The following DNHD1 variants were observed in gnomAD, a reference collection of about 807,000 sequenced individuals.
DNHD1 encodes the protein dynein heavy chain domain-containing protein 1.
A neutral mutation model predicts 458.1 loss-of-function variants in DNHD1; 383 were observed. That is an observed-to-expected ratio of 0.84 (90% CI 0.77 to 0.91). The LOEUF is 0.91. DNHD1 is among the 40% of genes least tolerant of loss of function. The pLI is 0.00. For missense variants in DNHD1, 5,336 were observed against 5,866.1 expected (o/e 0.91, Z 2.95); for synonymous variants, 2,203 against 2,376.9 (o/e 0.93, Z 2.13).
At chr11:6,521,252 G>A (rs1852599002) in intron 10 of DNHD1, among the ~76,000 whole-genome samples, 1 of 152,202 alleles carries the variant, frequency 6.6e-6, no homozygotes, top group African/African-American at 2.4e-5. Context: ...TGCTACAGAT[G>A]TGCCTTCTTA....
At chr11:6,513,063 A>G (rs747833890) in intron 7 of DNHD1, among the ~76,000 whole-genome samples, 5 of 152,146 alleles carry the variant, frequency 3.3e-5, no homozygotes, top group Admixed American at 6.6e-5. Flanking sequence ...GCTTCCAGAC[A>G]ATAAATGCTG....
In DNHD1 at chr11:6,568,769, C is replaced by T; in HGVS notation, c.12766C>T (p.Gln4256Ter). The change falls in exon 39 of 43, where the codon CAA (glutamine) becomes TAA (stop). Residue 4256 changes from glutamine to a stop codon, truncating the protein, a stop_gained. Transcript: ENST00000254579. LOFTEE classifies it high-confidence loss of function. Reference sequence around the variant, plus strand: ...GCTAGCCCAGCAAGTACTCTACATGCAACCCCCCACCCAGGCACTACCTCT... The same window carrying T: ...GCTAGCCCAGCAAGTACTCTACATGTAACCCCCCACCCAGGCACTACCTCT... ...VELAQQVLYM[Q>*]PPTQALPLLL... 1.2e-6 allele frequency: 2 copies of T among 1,613,514 alleles called. No individual in the cohort carries two copies. The highest frequency in any genetic ancestry group is 2.2e-5 in the East Asian group (1 of 44,850).
chr11:6,499,963 C>G (rs901660905), intron 3 of DNHD1, among the ~76,000 whole-genome samples: 18 of 98,306 alleles, frequency 1.8e-4, no homozygotes, highest in African/African-American at 6.2e-4. Flanking sequence ...CTCTAACTTT[C>G]GATTTTTTTT....
In DNHD1 at chr11:6,568,803, TC is replaced by T. The variant is rs946993998; in HGVS notation, c.12802del (p.His4268MetfsTer24). The stretch of plus-strand genomic sequence containing the variant: ...ACCCAGGCACTACCTCTGCTCCTCC[TC>T]CATGGCCTCCTGCTACACCGGCAGC... ...PPTQALPLLLLHGLLLHRQLY... is the reference protein window; with the variant it reads ...PPTQALPLLLXHGLLLHRQLY... On this transcript the variant is annotated frameshift_variant, in exon 39 of 43. Transcript: ENST00000254579. LOFTEE classifies it high-confidence loss of function. The T allele has an allele frequency of 1.2e-6, 2 of 1,613,330 alleles. No individual in the cohort carries two copies. Among genetic ancestry groups the T allele is most frequent in the Admixed American group, 1.7e-5 (1 of 59,962 alleles).
intron 28 of DNHD1, among the ~76,000 whole-genome samples, chr11:6,562,673 G>A (rs1416240306): frequency 1.3e-5 from 2 of 152,180 alleles, no homozygotes. Context: ...ACTGTCTTCT[G>A]TGACAACTGC....
chr11:6,504,553 G>A (rs1394590233), intron 4 of DNHD1, among the ~76,000 whole-genome samples: 1 of 152,162 alleles, frequency 6.6e-6, no homozygotes, highest in African/African-American at 2.4e-5. Flanking sequence ...TGGTTCAAGC[G>A]ATTCTCTTGC....
chr11:6,498,503 G>A lies in DNHD1; in HGVS notation c.288G>A (p.Glu96=), dbSNP rs375381769. ...AVLGLLPPYR[E]LLVGHLDLLP... ...TGGGTCTACTGCCTCCATATCGTGA[G>A]TTGCTAGTTGGCCACCTTGATTTGC... is the stretch of plus-strand genomic sequence containing the variant. The change falls in exon 3 of 43, where the codon GAG becomes GAA. Residue 96 remains glutamate, a synonymous_variant. Coordinates refer to ENST00000254579, the MANE Select transcript of DNHD1 (RefSeq NM_144666.3). The A allele has an allele frequency of 6.8e-6, 11 of 1,614,224 alleles. No homozygotes were observed. The South Asian group carries it at 1.2e-4, about 18-fold the overall frequency.
chr11:6,533,115 C>T lies in DNHD1; in HGVS notation c.2436C>T (p.Leu812=). ...TCAGTCAACAACTCATGACAGAGCTCACAGATTTCATGCATATCTTCCGAA... is the reference window on the plus strand; with the variant it reads ...TCAGTCAACAACTCATGACAGAGCTTACAGATTTCATGCATATCTTCCGAA... ...WNLSQQLMTE[L]TDFMHIFRTI... Residue 812 remains leucine (L), a synonymous_variant, in exon 13 of 43, where the codon CTC becomes CTT. Coordinates refer to ENST00000254579, the MANE Select transcript of DNHD1 (RefSeq NM_144666.3). The T allele has an allele frequency of 4.5e-6, 7 of 1,551,698 alleles. No individual in the cohort carries two copies. The highest frequency in any genetic ancestry group is 6.1e-6 in the Non-Finnish European group (7 of 1,146,996).
Position 6,544,128 on chromosome 11 carries a change from C to A in DNHD1, c.3636C>A (p.Ser1212Arg). ...DSGTFILSDYSNLQDSIQESL... is the reference protein window; with the variant it reads ...DSGTFILSDYRNLQDSIQESL... ...CAGCTTTTTCTGTCTTAGATTACAG[C>A]AACCTGCAGGATTCCATCCAGGAAA... is the stretch of plus-strand genomic sequence containing the variant. Residue 1212 changes from serine (S) to arginine (R), a missense_variant, in exon 19 of 43, where the codon AGC becomes AGA. This residue lies in a region of DNHD1 where 3,932 missense variants were observed against 4,365.6 expected (regional missense o/e 0.90). Coordinates refer to ENST00000254579, the MANE Select transcript of DNHD1 (RefSeq NM_144666.3). 1 of 1,551,628 alleles carries A rather than the reference C, an allele frequency of 6.4e-7. No individual in the cohort carries two copies. The highest frequency in any genetic ancestry group is 1.2e-5 in the South Asian group (1 of 84,064).
chr11:6,539,952 AGCTGCGCCT>A lies in DNHD1; in HGVS notation c.3501_3509del (p.Arg1168_Leu1170del). Reference sequence around the variant, plus strand: ...TTGCAGCGGTACTGGGAAGCGCGCCAGCTGCGCCTGCTCAACTTCATCCTGCATGTACCC... The same window carrying A: ...TTGCAGCGGTACTGGGAAGCGCGCCAGCTCAACTTCATCCTGCATGTACCC... On this transcript the variant is annotated inframe_deletion, in exon 18 of 43. Transcript: ENST00000254579. The A allele has an allele frequency of 6.4e-7, 1 of 1,551,766 alleles. No individual in the cohort carries two copies. Among genetic ancestry groups the A allele is most frequent in the African/African-American group, 1.4e-5 (1 of 73,194 alleles).
rs1853747329 is a variant in DNHD1, at chr11:6,567,980, GT to G, written c.12352-75del. 8 of 1,482,112 alleles carry G rather than the reference GT, an allele frequency of 5.4e-6. 1 individual carries two copies. In the South Asian group the frequency reaches 9.7e-5, roughly 18 times the overall value. 91.8% of individuals were successfully genotyped at this position (1,482,112 alleles called of 1,614,324 possible). On this transcript the variant is annotated intron_variant, in intron 36 of 42. Coordinates refer to ENST00000254579, the MANE Select transcript of DNHD1 (RefSeq NM_144666.3). ...CTACGTAGGGACTTTGGGGATCATG[GT>G]AGCATTAGTTTGGGTCCCTCGGGTC...
intron 10 of DNHD1, among the ~76,000 whole-genome samples, chr11:6,527,025 TG>T (rs1016496160): frequency 1.3e-5 from 2 of 152,190 alleles, no homozygotes; most frequent in African/African-American, 2.4e-5. Flanking sequence ...CCCACCTACT[TG>T]TATTTTAGGA....
At position 6,502,917 on chromosome 11, in the gene DNHD1, G is replaced by A. The variant is rs369544858; in HGVS notation, c.911G>A (p.Arg304Gln). 5.1e-5 allele frequency: 83 copies of A among 1,613,206 alleles called. No homozygotes were observed. In the South Asian group the frequency reaches 5.3e-4, roughly 10 times the overall value. The change falls in exon 4 of 43, where the codon CGG becomes CAG. Residue 304 changes from arginine to glutamine, a missense_variant. Physicochemically the swap from Arg to Gln is conservative, Grantham distance 43. This residue lies in a region of DNHD1 where 3,932 missense variants were observed against 4,365.6 expected (regional missense o/e 0.90). Coordinates refer to ENST00000254579, the MANE Select transcript of DNHD1 (RefSeq NM_144666.3). Reference sequence around the variant, plus strand: ...CTCTATCTCAATGTGGCTCCCAGCCGGTACTTTAGGTGATAGCCTATGTCC... The same window carrying A: ...CTCTATCTCAATGTGGCTCCCAGCCAGTACTTTAGGTGATAGCCTATGTCC... ...HFLYLNVAPS[R>Q]YFRPYSLMVV... is the part of the protein sequence containing the mutation.
In DNHD1 at chr11:6,566,004, C is replaced by T. The variant is rs756362922; in HGVS notation, c.11053+13C>T. ...GCAGCTGCTTGTGGTGAGAGCTGGTCCCCACCCACCCTGGCCCCTTTTTGA... is the reference window on the plus strand; with the variant it reads ...GCAGCTGCTTGTGGTGAGAGCTGGTTCCCACCCACCCTGGCCCCTTTTTGA... On this transcript the variant is annotated intron_variant, in intron 33 of 42. Transcript: ENST00000254579. 3.2e-6 allele frequency: 3 copies of T among 927,854 alleles called. No homozygotes were observed. Among genetic ancestry groups the T allele is most frequent in the Non-Finnish European group, 3.2e-6 (2 of 630,390 alleles). 57.5% of individuals were successfully genotyped at this position (927,854 alleles called of 1,614,324 possible). A position where few individuals can be genotyped will look rare whatever the true frequency, so the allele number is the denominator to read the frequency against.
rs1478068223 is a variant in DNHD1 at position 6,564,815 on chromosome 11, A to G, written c.10756+11A>G. On this transcript the variant is annotated intron_variant, in intron 32 of 42. Coordinates refer to ENST00000254579, the MANE Select transcript of DNHD1 (RefSeq NM_144666.3). ...TCACTGAGGGTAGAGGTAAGCAGGCATAATAAATGCAATGCTTCCGGAGTA... is the reference window on the plus strand; with the variant it reads ...TCACTGAGGGTAGAGGTAAGCAGGCGTAATAAATGCAATGCTTCCGGAGTA... 18 of 1,494,224 alleles carry G rather than the reference A, an allele frequency of 1.2e-5. No individual in the cohort carries two copies. The highest frequency in any genetic ancestry group is 1.5e-5 in the Non-Finnish European group (17 of 1,114,196). The allele number at this position is 1,494,224 out of a possible 1,614,324, so 92.6% of individuals were successfully genotyped here.
chr11:6,502,370 G>T (rs1852154564), intron 3 of DNHD1, among the ~76,000 whole-genome samples: 1 of 152,154 alleles, frequency 6.6e-6, no homozygotes, highest in African/African-American at 2.4e-5. Flanking sequence ...GAGCTGGGAG[G>T]GGAAATCCAG....
At chr11:6,518,303 C>T (rs1376890328) in intron 7 of DNHD1, among the ~76,000 whole-genome samples, 1 of 152,166 alleles carries the variant, frequency 6.6e-6, no homozygotes, top group African/African-American at 2.4e-5. Flanking sequence ...CTTAAGTGAT[C>T]CACCCTCCTT....
Position 6,537,386 on chromosome 11 carries a change from T to C in DNHD1, c.2999-997T>C, listed in dbSNP as rs904521908. Among the ~76,000 whole-genome samples the C allele has an allele frequency of 4.6e-5, 7 of 152,190 alleles. No individual in the cohort carries two copies. In the East Asian group the frequency reaches 1.3e-3, roughly 29 times the overall value. ...CATTCATTCATTCAACACATATTTG[T>C]TGAGAGACTGCTGTGTACACTAGGC... On this transcript the variant is annotated intron_variant, in intron 14 of 42. Transcript: ENST00000254579.
At chr11:6,528,457 G>A in intron 10 of DNHD1, 65 bp from the exon 11 acceptor site, 1 of 1,489,394 alleles carries the variant, frequency 6.7e-7, no homozygotes, top group Non-Finnish European at 9.0e-7. Flanking sequence ...AGGGCAAGGA[G>A]AAAGGAAGAT....
Sources: gnomAD v4.1 joint callset for allele counts (sites outside exome capture counted in the v4.1 genomes callset) on GRCh38, gnomAD v4.1.1 for gene constraint, gnomAD v4.1.1 regional missense constraint, MANE v1.5 for transcripts, NCBI Gene and HGNC (gene_info 2026-07-23, HGNC 2026-07-21) for gene names.